MFSD6: variants seen among roughly 807,000 people sequenced by gnomAD.
MFSD6 encodes major facilitator superfamily domain-containing protein 6.
A neutral mutation model predicts 56.3 loss-of-function variants in MFSD6; 26 were observed. The ratio of observed to expected loss-of-function variants is 0.46; its 90% CI spans 0.34 to 0.64. The LOEUF (loss-of-function observed/expected upper bound fraction) is 0.64, where lower values mean the gene tolerates loss of function less well. Ranked by LOEUF, MFSD6 falls within the 30% of genes least tolerant of loss-of-function variation. The pLI, the probability that MFSD6 is intolerant of heterozygous loss-of-function variation, is 0.01. For synonymous variants in MFSD6, 331 were observed against 366.9 expected (o/e 0.90, Z 1.12); for missense variants, 750 against 986.2 (o/e 0.76, Z 3.21).
rs964834995 is a variant in MFSD6, at chr2:190,451,089, A to G, written c.1532+13528A>G. ...CTAAGCCCTGGTAGGATCGTTGAGT[A>G]GTGTAGTAGTTACCCTGTTTTCTTT... On this transcript the variant is annotated intron_variant, in intron 3 of 7. Coordinates refer to ENST00000392328, the MANE Select transcript of MFSD6 (RefSeq NM_017694.4). The surrounding 1 kb of genome is among the most constrained non-coding windows in gnomAD (Gnocchi z 5.0). 2.0e-5 allele frequency among the ~76,000 whole-genome samples: 3 copies of G among 152,196 alleles called. No homozygotes were observed. Among genetic ancestry groups the G allele is most frequent in the Non-Finnish European group, 4.4e-5 (3 of 68,030 alleles).
rs796975460 is a variant in MFSD6, at chr2:190,449,473, C to CA, written c.1532+11924dup. On this transcript the variant is annotated intron_variant, in intron 3 of 7. Coordinates refer to ENST00000392328, the MANE Select transcript of MFSD6 (RefSeq NM_017694.4). ...TAGGTGACAGAGCAAGACTTCGTCTCAAAAAAAAAAAATTAATATCAAACT... is the reference window on the plus strand; with the variant it reads ...TAGGTGACAGAGCAAGACTTCGTCTCAAAAAAAAAAAAATTAATATCAAACT... Among the ~76,000 whole-genome samples the CA allele has an allele frequency of 4.6e-3, 657 of 141,544 alleles. 4 individuals are homozygous for CA. Among genetic ancestry groups the CA allele is most frequent in the Non-Finnish European group, 6.0e-3 (385 of 64,578 alleles). The allele number at this position is 141,544 out of a possible 152,430, so 92.9% of individuals were successfully genotyped here.
intron 4 of MFSD6, chr2:190,477,109 A>T (rs1052117379): frequency 4.8e-6 from 1 of 207,616 alleles, no homozygotes; most frequent in African/African-American, 2.4e-5. Flanking sequence ...ATGTTAAATG[A>T]CGAGTTAATG....
intron 4 of MFSD6, among the ~76,000 whole-genome samples, chr2:190,473,158 C>T (rs754540537): frequency 4.6e-5 from 7 of 152,144 alleles, no homozygotes; most frequent in Non-Finnish European, 8.8e-5. Flanking sequence ...ACCATCGAGG[C>T]TAGGAAGAAA....
At chr2:190,422,567 T>C (rs1300574893) in intron 2 of MFSD6, among the ~76,000 whole-genome samples, 1 of 152,198 alleles carries the variant, frequency 6.6e-6, no homozygotes, top group Non-Finnish European at 1.5e-5. Context: ...TGTTGAGATA[T>C]CTGAAGCCAT....
At chr2:190,441,604 T>A (rs962274035) in intron 3 of MFSD6, among the ~76,000 whole-genome samples, 2 of 152,158 alleles carry the variant, frequency 1.3e-5, no homozygotes, top group African/African-American at 4.8e-5. Context: ...TTTACTTATG[T>A]ACATGTGCTG....
At chr2:190,480,795 T>G (rs1688619272) in intron 4 of MFSD6, among the ~76,000 whole-genome samples, 2 of 152,198 alleles carry the variant, frequency 1.3e-5, no homozygotes, top group Admixed American at 1.3e-4. Context: ...CACTAATCCA[T>G]GCAAAGTATT....
At position 190,423,351 on chromosome 2, in the gene MFSD6, AT is replaced by A. The variant is rs775701982; in HGVS notation, c.-54+7941del. 2.0e-5 allele frequency among the ~76,000 whole-genome samples: 3 copies of A among 152,198 alleles called. No individual in the cohort carries two copies. Among genetic ancestry groups the A allele is most frequent in the Non-Finnish European group, 4.4e-5 (3 of 68,036 alleles). On this transcript the variant is annotated intron_variant, in intron 2 of 7. Coordinates refer to ENST00000392328, the MANE Select transcript of MFSD6 (RefSeq NM_017694.4). The surrounding 1 kb of genome is among the most constrained non-coding windows in gnomAD (Gnocchi z 4.3). ...CTATCTCTATTTCAATGATGTTGTCATTTCAAGAATGTTATATGAATAGAAT... is the reference window on the plus strand; with the variant it reads ...CTATCTCTATTTCAATGATGTTGTCATTCAAGAATGTTATATGAATAGAAT...
At chr2:190,455,943 T>TTTTTTTG in intron 3 of MFSD6, among the ~76,000 whole-genome samples, 1 of 129,792 alleles carries the variant, frequency 7.7e-6, no homozygotes, top group Non-Finnish European at 1.7e-5. Context: ...GCTTTTTTTT[T>TTTTTTTG]TTTTTTTTTT....
At position 190,416,609 on chromosome 2, in the gene MFSD6, G is replaced by C. The variant is rs892189997; in HGVS notation, c.-54+1196G>C. On this transcript the variant is annotated intron_variant, in intron 2 of 7. Transcript: ENST00000392328. This position sits in a 1 kb window ranked among gnomAD's most constrained non-coding sequence, Gnocchi z 4.1. The stretch of plus-strand genomic sequence containing the variant: ...GAAATACTAGCCTAGTTCAAGGGTG[G>C]TGCCAAATAATTCTGGGAAAAGTGC... Among the ~76,000 whole-genome samples the C allele has an allele frequency of 6.6e-6, 1 of 152,142 alleles. No individual in the cohort carries two copies. The highest frequency in any genetic ancestry group is 2.4e-5 in the African/African-American group (1 of 41,412).
At chr2:190,411,901 G>A in intron 1 of MFSD6, 1 of 985,298 alleles carries the variant, frequency 1.0e-6, no homozygotes, top group Non-Finnish European at 1.2e-6. Flanking sequence ...TCCTGGTCTT[G>A]CTAGTGGTGG....
At position 190,445,497 on chromosome 2, in the gene MFSD6, G is replaced by A. The variant is rs1387871083; in HGVS notation, c.1532+7936G>A. Among the ~76,000 whole-genome samples the A allele has an allele frequency of 1.3e-4, 13 of 102,946 alleles. No homozygotes were observed. In the East Asian group the frequency reaches 2.1e-3, roughly 16 times the overall value. The allele number at this position is 102,946 out of a possible 152,430, so 67.5% of individuals were successfully genotyped here. ...CGACTATACCCTGTTTAAAGAACAC[G>A]AATTTTTTTTTTCTGACTCTGCCAG... On this transcript the variant is annotated intron_variant, in intron 3 of 7. Transcript: ENST00000392328.
At chr2:190,408,186 G>C (rs928524587), upstream of MFSD6, among the ~76,000 whole-genome samples, 18 of 151,876 alleles carry the variant, frequency 1.2e-4, no homozygotes, top group Admixed American at 3.9e-4. Flanking sequence ...AACGGGTCCA[G>C]CCGGTAGTGA....
In MFSD6 at chr2:190,500,750, ATAAAGT is replaced by A. The variant is rs1468835926; in HGVS notation, c.*537_*542del. 25 of 153,082 alleles carry A rather than the reference ATAAAGT, an allele frequency of 1.6e-4. No homozygotes were observed. Among genetic ancestry groups the A allele is most frequent in the African/African-American group, 6.0e-4 (25 of 41,602 alleles). The allele number at this position is 153,082 out of a possible 1,614,324, so 9.5% of individuals were successfully genotyped here. A position where few individuals can be genotyped will look rare whatever the true frequency, so the allele number is the denominator to read the frequency against. ...AGTAGCACATGTGCTTTTGTTAAAA[ATAAAGT>A]TAAAAGTTAAAGTTAAAAAATGAAG... On this transcript the variant is annotated 3_prime_UTR_variant, in exon 8 of 8. Coordinates refer to ENST00000392328, the MANE Select transcript of MFSD6 (RefSeq NM_017694.4). This position sits in a 1 kb window ranked among gnomAD's most constrained non-coding sequence, Gnocchi z 5.3.
intron 1 of MFSD6, chr2:190,411,851 A>C (rs1030827565): frequency 2.5e-5 from 25 of 985,226 alleles, no homozygotes; most frequent in Non-Finnish European, 3.0e-5. Context: ...GAGCATACAC[A>C]ATTTATCTGC....
At chr2:190,482,630 C>T (rs1458803162) in intron 4 of MFSD6, among the ~76,000 whole-genome samples, 1 of 151,968 alleles carries the variant, frequency 6.6e-6, no homozygotes, top group African/African-American at 2.4e-5. Flanking sequence ...CCAAGCCAAG[C>T]AACAGTTTAC....
chr2:190,491,940 A>G lies in MFSD6; in HGVS notation c.1891+2074A>G, dbSNP rs192988078. On this transcript the variant is annotated intron_variant, in intron 6 of 7. Transcript: ENST00000392328. The surrounding 1 kb of genome is among the most constrained non-coding windows in gnomAD (Gnocchi z 4.2). Reference sequence around the variant, plus strand: ...CAAGAAGTGAGGGGAGAAATCTTCAATGAGATAGATAGCATAAATAAGAAA... The same window carrying G: ...CAAGAAGTGAGGGGAGAAATCTTCAGTGAGATAGATAGCATAAATAAGAAA... 3.7e-3 allele frequency among the ~76,000 whole-genome samples: 568 copies of G among 152,322 alleles called. 5 individuals are homozygous for G. Among genetic ancestry groups the G allele is most frequent in the African/African-American group, 0.013 (535 of 41,558 alleles).
In MFSD6 at chr2:190,447,904, C is replaced by G. The variant is rs1038204231; in HGVS notation, c.1532+10343C>G. Reference sequence around the variant, plus strand: ...AATATCTTACCATGTAATATAGCTACCAGGCTGACTTATTAATAACAGCAT... The same window carrying G: ...AATATCTTACCATGTAATATAGCTAGCAGGCTGACTTATTAATAACAGCAT... On this transcript the variant is annotated intron_variant, in intron 3 of 7. Transcript: ENST00000392328. The surrounding 1 kb of genome is among the most constrained non-coding windows in gnomAD (Gnocchi z 4.5). 3.3e-5 allele frequency among the ~76,000 whole-genome samples: 5 copies of G among 152,130 alleles called. No individual in the cohort carries two copies. The highest frequency in any genetic ancestry group is 1.2e-4 in the African/African-American group (5 of 41,422).
chr2:190,465,907 C>G lies in MFSD6; in HGVS notation c.1533-3851C>G, dbSNP rs538084902. Among the ~76,000 whole-genome samples the G allele has an allele frequency of 5.3e-5, 8 of 152,166 alleles. No individual in the cohort carries two copies. The highest frequency in any genetic ancestry group is 7.3e-5 in the Non-Finnish European group (5 of 68,032). ...ACTTGGGAGGCTGAGGCAGAAGAAT[C>G]GCTTGAATCCGGGAGGCGGTGGTTA... On this transcript the variant is annotated intron_variant, in intron 3 of 7. Transcript: ENST00000392328. The surrounding 1 kb of genome is among the most constrained non-coding windows in gnomAD (Gnocchi z 4.6).
chr2:190,424,062 G>A lies in MFSD6; in HGVS notation c.-54+8649G>A, dbSNP rs975420042. On this transcript the variant is annotated intron_variant, in intron 2 of 7. Transcript: ENST00000392328. This position sits in a 1 kb window ranked among gnomAD's most constrained non-coding sequence, Gnocchi z 5.9. Reference sequence around the variant, plus strand: ...CCTTCGCTGGATTTGTGGTTTCCAAGTATTTTCTCACAGTCTGTAGCTTGT... The same window carrying A: ...CCTTCGCTGGATTTGTGGTTTCCAAATATTTTCTCACAGTCTGTAGCTTGT... Among the ~76,000 whole-genome samples, 12 of 152,152 alleles carry A rather than the reference G, an allele frequency of 7.9e-5. No homozygotes were observed. The highest frequency in any genetic ancestry group is 1.8e-4 in the Non-Finnish European group (12 of 68,026).
Sources: allele counts gnomAD v4.1 joint callset (sites outside exome capture counted in the v4.1 genomes callset), GRCh38; gene constraint gnomAD v4.1.1; non-coding constraint Gnocchi (gnomAD v3.1); transcripts MANE v1.5; gene names NCBI Gene and HGNC (gene_info 2026-07-23, HGNC 2026-07-21).